The following SBF2 variants were observed in gnomAD, a reference collection of about 807,000 sequenced individuals.
SBF2 encodes the protein myotubularin-related protein 13.
A neutral mutation model predicts 225.2 loss-of-function variants in SBF2; 112 were observed. That is an observed-to-expected ratio of 0.50 (90% confidence interval 0.43 to 0.58). The LOEUF is 0.58. Ranked by LOEUF, SBF2 falls within the 20% of genes least tolerant of loss-of-function variation. The pLI, the probability that SBF2 is intolerant of heterozygous loss-of-function variation, is 0.00. For synonymous variants in SBF2, 763 were observed against 773.3 expected (o/e 0.99, Z 0.22); for missense variants, 1,996 against 2,206.2 (o/e 0.90, Z 1.91).
At chr11:10,001,077 T>C in intron 7 of SBF2, 55 bp from the exon 8 acceptor site, 1 of 882,308 alleles carries the variant, frequency 1.1e-6, no homozygotes, top group Non-Finnish European at 1.9e-6. Context: ...TAAACATATC[T>C]TCTTTCATCT....
At chr11:10,299,739 G>A (rs1179846635) in intron 1 of SBF2, among the ~76,000 whole-genome samples, 1 of 151,298 alleles carries the variant, frequency 6.6e-6, no homozygotes, top group Admixed American at 6.6e-5. Flanking sequence ...TAAATGTTAT[G>A]GGGGGACTAG....
chr11:9,944,502 C>T (rs1216901021), intron 16 of SBF2, among the ~76,000 whole-genome samples: 2 of 152,102 alleles, frequency 1.3e-5, no homozygotes, highest in Non-Finnish European at 2.9e-5. Flanking sequence ...CTAGCAAAAA[C>T]ACACATTACT....
intron 36 of SBF2, among the ~76,000 whole-genome samples, chr11:9,786,363 CA>C (rs1466465457): frequency 1.3e-5 from 2 of 151,718 alleles, no homozygotes; most frequent in South Asian, 2.1e-4. Flanking sequence ...TGTGTTCTTT[CA>C]AAAAAATGAA....
chr11:9,979,216 G>T (rs886922532), intron 13 of SBF2, among the ~76,000 whole-genome samples: 1 of 152,128 alleles, frequency 6.6e-6, no homozygotes, highest in Admixed American at 6.5e-5. Context: ...TTACATTGTC[G>T]TTATGAGGAT....
At position 10,272,025 on chromosome 11, in the gene SBF2, C is replaced by T. The variant is rs1962521902; in HGVS notation, c.55+21990G>A. The T allele has an allele frequency of 1.7e-5, 18 of 1,041,294 alleles. 5 individuals are homozygous for T. The East Asian group carries it at 4.8e-4, about 28-fold the overall frequency. 64.5% of individuals were successfully genotyped at this position (1,041,294 alleles called of 1,614,324 possible). On this transcript the variant is annotated intron_variant, in intron 1 of 39. Transcript: ENST00000256190. ...TCATTCATCACTTTGTGCTTGAAGG[C>T]ATTCCTCAGCAAACTTCTCTCGAGT...
chr11:10,244,428 T>C (rs1243551890), intron 1 of SBF2, among the ~76,000 whole-genome samples: 6 of 152,222 alleles, frequency 3.9e-5, no homozygotes, highest in Admixed American at 3.3e-4. Flanking sequence ...GTTGAGTATA[T>C]GCATGGATTT....
chr11:9,901,208 A>C (rs957598791), intron 16 of SBF2, among the ~76,000 whole-genome samples: 4 of 152,238 alleles, frequency 2.6e-5, no homozygotes, highest in African/African-American at 9.6e-5. Context: ...CCAAAATATA[A>C]GTAGAAACTT....
intron 17 of SBF2, among the ~76,000 whole-genome samples, chr11:9,878,052 G>A (rs1012812929): frequency 1.3e-5 from 2 of 152,124 alleles, no homozygotes; most frequent in Non-Finnish European, 2.9e-5. Context: ...ATCCGCTCCA[G>A]CATCTGTTGT....
intron 13 of SBF2, among the ~76,000 whole-genome samples, chr11:9,983,239 G>T (rs914847424): frequency 6.6e-6 from 1 of 152,292 alleles, no homozygotes; most frequent in South Asian, 2.1e-4. Flanking sequence ...GGCTACTGGG[G>T]GGCACAGCGG....
chr11:9,851,769 C>A (rs1443992381), intron 21 of SBF2, among the ~76,000 whole-genome samples: 1 of 151,802 alleles, frequency 6.6e-6, no homozygotes, highest in Non-Finnish European at 1.5e-5. Context: ...ATGAATTTAC[C>A]TATTTATTTA....
intron 1 of SBF2, among the ~76,000 whole-genome samples, chr11:10,279,546 C>T (rs1043104383): frequency 2.0e-5 from 3 of 152,220 alleles, no homozygotes; most frequent in Non-Finnish European, 4.4e-5. Context: ...CCTAATACCT[C>T]CCTGTCTGTT....
At chr11:9,914,778 C>G (rs908835623) in intron 16 of SBF2, among the ~76,000 whole-genome samples, 6 of 151,944 alleles carry the variant, frequency 3.9e-5, no homozygotes, top group African/African-American at 1.4e-4. Flanking sequence ...AAAATATTGG[C>G]AAAATATAAA....
At chr11:9,911,376 T>A (rs1423983401) in intron 16 of SBF2, among the ~76,000 whole-genome samples, 2 of 137,370 alleles carry the variant, frequency 1.5e-5, no homozygotes, top group Non-Finnish European at 3.3e-5. Context: ...AGAGCGAGAC[T>A]CTGTCTCAAA....
chr11:9,813,390 C>T (rs563166624), intron 29 of SBF2, among the ~76,000 whole-genome samples: 1 of 152,196 alleles, frequency 6.6e-6, no homozygotes, highest in East Asian at 1.9e-4. Flanking sequence ...CGCAATGGTG[C>T]GATCTTGACT....
chr11:10,098,569 T>C (rs1235904584), intron 2 of SBF2, among the ~76,000 whole-genome samples: 1 of 150,526 alleles, frequency 6.6e-6, no homozygotes, highest in Non-Finnish European at 1.5e-5. Flanking sequence ...ATGAATTGCC[T>C]GACAAAGAAC....
At chr11:9,933,517 G>T (rs1339016693) in intron 16 of SBF2, among the ~76,000 whole-genome samples, 2 of 152,086 alleles carry the variant, frequency 1.3e-5, no homozygotes, top group Non-Finnish European at 2.9e-5. Flanking sequence ...ACTCAAAACC[G>T]CTCAACTACA....
intron 1 of SBF2, among the ~76,000 whole-genome samples, chr11:10,198,621 T>C (rs1957464298): frequency 1.3e-5 from 2 of 152,280 alleles, no homozygotes; most frequent in African/African-American, 2.4e-5. Flanking sequence ...AGCATTTACT[T>C]CTGCTCTCCA....
intron 16 of SBF2, among the ~76,000 whole-genome samples, chr11:9,943,700 G>A (rs531137141): frequency 3.0e-4 from 46 of 152,124 alleles, no homozygotes; most frequent in African/African-American, 1.1e-3. Flanking sequence ...TCACTGGACT[G>A]GTAGAATTTA....
At chr11:10,231,783 A>T (rs1369148041) in intron 1 of SBF2, among the ~76,000 whole-genome samples, 2 of 152,216 alleles carry the variant, frequency 1.3e-5, no homozygotes, top group African/African-American at 2.4e-5. Flanking sequence ...GCAGTCTGCC[A>T]GTTCTCAGAT....
Sources: allele counts gnomAD v4.1 joint callset (sites outside exome capture counted in the v4.1 genomes callset), GRCh38; gene constraint gnomAD v4.1.1; transcripts MANE v1.5; gene names NCBI Gene and HGNC (gene_info 2026-07-23, HGNC 2026-07-21).